KHDRBS2: variants seen among roughly 807,000 people sequenced by gnomAD.
KHDRBS2 encodes KH domain-containing, RNA-binding, signal transduction-associated protein 2.
KHDRBS2 carries 26 observed loss-of-function variants against 44.3 expected under a neutral mutation model. That is an observed-to-expected ratio of 0.59 (90% CI 0.43 to 0.81). The LOEUF (loss-of-function observed/expected upper bound fraction) is 0.81. Ranked by LOEUF, KHDRBS2 falls within the 40% of genes least tolerant of loss-of-function variation. KHDRBS2 has a pLI of 0.00. For synonymous variants in KHDRBS2, 194 were observed against 151.1 expected (o/e 1.28, Z -2.08); for missense variants, 476 against 433.1 (o/e 1.10, Z -0.88).
the KHDRBS2 span, among the ~76,000 whole-genome samples, chr6:61,649,092 A>C: frequency 6.6e-6 from 1 of 152,094 alleles, no homozygotes; most frequent in Non-Finnish European, 1.5e-5. Context: ...CCTTCACAGC[A>C]GGAGTCTGTC....
the KHDRBS2 span, among the ~76,000 whole-genome samples, chr6:61,622,383 G>T: frequency 1.3e-5 from 2 of 152,138 alleles, no homozygotes; most frequent in Admixed American, 6.5e-5. Context: ...CTAGAAACAT[G>T]CTGAACCTGA....
intron 2 of KHDRBS2, among the ~76,000 whole-genome samples, chr6:62,083,815 C>A (rs1797888138): frequency 6.6e-6 from 1 of 152,154 alleles, no homozygotes; most frequent in Admixed American, 6.5e-5. Flanking sequence ...ATTATACATA[C>A]TTTTGTATTT....
intron 6 of KHDRBS2, among the ~76,000 whole-genome samples, chr6:61,888,350 T>A (rs1329546231): frequency 2.6e-5 from 4 of 152,172 alleles, no homozygotes; most frequent in Non-Finnish European, 5.9e-5. Context: ...CCTGGGGATA[T>A]GGCACAGAAC....
At chr6:62,230,748 C>A (rs176618) in intron 1 of KHDRBS2, among the ~76,000 whole-genome samples, 25,675 of 152,062 alleles carry the variant, frequency 0.17, 2,384 homozygotes, top group African/African-American at 0.25. Context: ...AATTAAAAAT[C>A]CCAACTATGA....
intron 6 of KHDRBS2, among the ~76,000 whole-genome samples, chr6:61,848,493 A>ATATG (rs1554236576): frequency 6.2e-5 from 3 of 48,278 alleles, no homozygotes; most frequent in African/African-American, 3.6e-4. Context: ...ATATATATGT[A>ATATG]TATATATATA....
the KHDRBS2 span, among the ~76,000 whole-genome samples, chr6:61,636,262 C>T: frequency 6.6e-6 from 1 of 151,996 alleles, no homozygotes; most frequent in Non-Finnish European, 1.5e-5. Context: ...CAAGAACCTC[C>T]ATAATTTGAT....
chr6:61,913,561 C>T (rs1455507146), intron 4 of KHDRBS2, among the ~76,000 whole-genome samples: 10 of 151,128 alleles, frequency 6.6e-5, no homozygotes, highest in Admixed American at 1.3e-4. Context: ...TTTATATATA[C>T]GTTCTAGGTG....
intron 4 of KHDRBS2, among the ~76,000 whole-genome samples, chr6:61,918,314 G>A (rs1807402344): frequency 6.6e-6 from 1 of 151,790 alleles, no homozygotes; most frequent in Non-Finnish European, 1.5e-5. Context: ...CCATTACTCT[G>A]CATACATTAT....
intron 4 of KHDRBS2, among the ~76,000 whole-genome samples, chr6:61,917,356 A>G (rs1357558177): frequency 1.3e-5 from 2 of 151,984 alleles, no homozygotes; most frequent in African/African-American, 4.8e-5. Flanking sequence ...TGTATATTAA[A>G]AGCTTAAATG....
intron 6 of KHDRBS2, among the ~76,000 whole-genome samples, chr6:61,854,149 G>A (rs1392827149): frequency 1.4e-5 from 2 of 145,828 alleles, no homozygotes; most frequent in South Asian, 2.2e-4. Context: ...GAAAAATCGT[G>A]TAGAATTCAA....
chr6:61,772,169 A>AT (rs1477775528), intron 6 of KHDRBS2, among the ~76,000 whole-genome samples: 6 of 152,214 alleles, frequency 3.9e-5, no homozygotes, highest in South Asian at 2.1e-4. Context: ...CATTGAAAGC[A>AT]TTGTGTAGAG....
chr6:62,055,410 T>C (rs377567639), intron 2 of KHDRBS2, among the ~76,000 whole-genome samples: 2 of 152,060 alleles, frequency 1.3e-5, no homozygotes, highest in African/African-American at 4.8e-5. Flanking sequence ...AAGAGGTCTA[T>C]GACTATGAAG....
intron 6 of KHDRBS2, among the ~76,000 whole-genome samples, chr6:61,734,871 G>A (rs1178892664): frequency 6.6e-6 from 1 of 152,074 alleles, no homozygotes; most frequent in African/African-American, 2.4e-5. Context: ...TGTGTAACAT[G>A]GAGACTATCA....
intron 1 of KHDRBS2, among the ~76,000 whole-genome samples, chr6:62,207,988 T>A (rs1828312337): frequency 6.6e-6 from 1 of 152,132 alleles, no homozygotes; most frequent in African/African-American, 2.4e-5. Flanking sequence ...TCTCTAAATG[T>A]GTTCATCCTA....
chr6:62,105,251 C>A (rs147303385), intron 2 of KHDRBS2, among the ~76,000 whole-genome samples: 1 of 152,250 alleles, frequency 6.6e-6, no homozygotes, highest in African/African-American at 2.4e-5. Context: ...TGAAGTAGGG[C>A]AAGAAACACC....
At chr6:61,590,042 T>TA in the KHDRBS2 span, among the ~76,000 whole-genome samples, 55 of 151,452 alleles carry the variant, frequency 3.6e-4, no homozygotes, top group South Asian at 6.3e-4. Context: ...CATCTGCTGG[T>TA]AAAAAAAAAT....
chr6:62,251,331 C>G (rs919291710), intron 1 of KHDRBS2, among the ~76,000 whole-genome samples: 1 of 151,578 alleles, frequency 6.6e-6, no homozygotes, highest in Non-Finnish European at 1.5e-5. Context: ...CTTCAAATGG[C>G]TAATTAAAAA....
chr6:61,543,915 G>A, the KHDRBS2 span, among the ~76,000 whole-genome samples: 1 of 151,956 alleles, frequency 6.6e-6, no homozygotes, highest in African/African-American at 2.4e-5. Flanking sequence ...TTGAACTCAT[G>A]GAGACAGTGA....
Position 61,723,668 on chromosome 6 carries a change from C to T in KHDRBS2, c.893+9014G>A, listed in dbSNP as rs1399889594. Among the ~76,000 whole-genome samples the T allele has an allele frequency of 5.3e-5, 8 of 151,796 alleles. No individual in the cohort carries two copies. In the East Asian group the frequency reaches 7.7e-4, roughly 15 times the overall value. ...GGAGCTGAAAAACTCAATACGAGAA[C>T]GTCACAATGCAATCAGAAGTATCAA... On this transcript the variant is annotated intron_variant, in intron 7 of 8. Transcript: ENST00000281156.
Sources: gnomAD v4.1 joint callset for allele counts (sites outside exome capture counted in the v4.1 genomes callset) on GRCh38, gnomAD v4.1.1 for gene constraint, MANE v1.5 for transcripts, NCBI Gene and HGNC (gene_info 2026-07-23, HGNC 2026-07-21) for gene names.